Variants in LONP2 observed in about 807,000 individuals in gnomAD.
LONP2 encodes the protein lon protease homolog 2, peroxisomal.
Under a neutral mutation model 85.6 loss-of-function variants are expected in LONP2, and 60 were observed. That is an observed-to-expected ratio of 0.70 (90% confidence interval 0.57 to 0.87). LONP2 has a LOEUF of 0.87. Among genes scored for constraint, LONP2 ranks in the 40% least tolerant of loss-of-function variants. The pLI, the probability that LONP2 is intolerant of heterozygous loss-of-function variation, is 0.00. For missense variants in LONP2, 860 were observed against 1,063.5 expected, an observed-to-expected ratio of 0.81 and a Z score of 2.66; for synonymous variants, 395 against 389.7, an observed-to-expected ratio of 1.01 and a Z score of -0.16.
downstream of LONP2, among the ~76,000 whole-genome samples, chr16:48,357,593 G>A (rs1960421905): frequency 6.6e-6 from 1 of 152,194 alleles, no homozygotes; most frequent in Non-Finnish European, 1.5e-5. Flanking sequence ...AGCAGTCACA[G>A]ACTGACCCCC....
Position 48,244,592 on chromosome 16 carries a change from C to A in LONP2, c.204C>A (p.Ser68Arg). 1 of 1,490,450 alleles carries A rather than the reference C, an allele frequency of 6.7e-7. No individual in the cohort carries two copies. The highest frequency in any genetic ancestry group is 1.3e-5 in the South Asian group (1 of 78,780). The allele number at this position is 1,490,450 out of a possible 1,614,324, so 92.3% of individuals were successfully genotyped here. The change falls in exon 1 of 15, where the codon AGC becomes AGA. Residue 68 changes from serine to arginine, a missense_variant. Coordinates refer to ENST00000285737, the MANE Select transcript of LONP2 (RefSeq NM_031490.5). ...GVIPNTPDPA[S>R]DAQDLPPLHR... Reference sequence around the variant, plus strand: ...TCCCCAACACGCCTGACCCCGCCAGCGACGCGCAGGACCTGCCGCCGCTGC... The same window carrying A: ...TCCCCAACACGCCTGACCCCGCCAGAGACGCGCAGGACCTGCCGCCGCTGC...
In LONP2 at chr16:48,252,156, C is replaced by A; in HGVS notation, c.259C>A (p.Gln87Lys). 1 of 1,600,098 alleles carries A rather than the reference C, an allele frequency of 6.2e-7. No homozygotes were observed. Among genetic ancestry groups the A allele is most frequent in the Non-Finnish European group, 8.5e-7 (1 of 1,170,880 alleles). The change falls in exon 2 of 15, where the codon CAG (glutamine) becomes AAG (lysine). Residue 87 changes from glutamine to lysine, a missense_variant. Gln to Lys is a moderately conservative substitution (Grantham distance 53). Transcript: ENST00000285737. ...GATTGGCACAGCTGCACTGGCCGTT[C>A]AGGTTGTGGGCAGTAACTGGCCCAA... is the stretch of plus-strand genomic sequence containing the variant. ...HRIGTAALAV[Q>K]VVGSNWPKPH... is the part of the protein sequence containing the mutation.
intron 11 of LONP2, among the ~76,000 whole-genome samples, chr16:48,308,823 AG>A (rs1273253751): frequency 6.6e-6 from 1 of 152,178 alleles, no homozygotes; most frequent in Non-Finnish European, 1.5e-5. Context: ...TAAACTAAAA[AG>A]CTTTTTATAC....
At chr16:48,350,061 G>A (rs1307337980) in intron 14 of LONP2, among the ~76,000 whole-genome samples, 2 of 152,228 alleles carry the variant, frequency 1.3e-5, no homozygotes, top group East Asian at 3.9e-4. Context: ...AGACCAGCCT[G>A]GGAAATATAT....
At chr16:48,251,018 C>T (rs1971632558) in intron 1 of LONP2, among the ~76,000 whole-genome samples, 1 of 152,120 alleles carries the variant, frequency 6.6e-6, no homozygotes, top group Middle Eastern at 3.2e-3. Context: ...AAAGGATAGA[C>T]GTAGTTCAGA....
intron 8 of LONP2, among the ~76,000 whole-genome samples, chr16:48,288,745 C>T (rs1271323473): frequency 2.0e-5 from 3 of 152,006 alleles, no homozygotes; most frequent in Non-Finnish European, 2.9e-5. Flanking sequence ...TTCATTTAAC[C>T]TTAATTACCT....
At chr16:48,291,702 G>T (rs544321767) in intron 8 of LONP2, among the ~76,000 whole-genome samples, 1 of 152,080 alleles carries the variant, frequency 6.6e-6, no homozygotes, top group Non-Finnish European at 1.5e-5. Context: ...CTGAAGTTAG[G>T]GTAAGAAGAT....
At chr16:48,274,281 A>C (rs563332394) in intron 7 of LONP2, among the ~76,000 whole-genome samples, 2 of 152,234 alleles carry the variant, frequency 1.3e-5, no homozygotes, top group South Asian at 2.1e-4. Context: ...AACTGTGGAG[A>C]TGAAACATAA....
At chr16:48,249,791 G>A (rs1008296412) in intron 1 of LONP2, among the ~76,000 whole-genome samples, 1 of 152,144 alleles carries the variant, frequency 6.6e-6, no homozygotes, top group Non-Finnish European at 1.5e-5. Flanking sequence ...AGCAATTAAG[G>A]CATGTATACA....
intron 12 of LONP2, 142 bp from the exon 13 acceptor site, chr16:48,347,365 C>T (rs763461390): frequency 1.6e-4 from 115 of 730,204 alleles, no homozygotes; most frequent in Admixed American, 6.2e-4. Flanking sequence ...CTGAATGTGA[C>T]GCAGAATCAT....
rs1196391493 is a variant in LONP2, at chr16:48,355,339, TCCTTTTTGC to T, written c.*3542_*3550del. The T allele has an allele frequency of 6.6e-6, 1 of 152,084 alleles. No homozygotes were observed. The highest frequency in any genetic ancestry group is 1.5e-5 in the Non-Finnish European group (1 of 68,016). 9.4% of individuals were successfully genotyped at this position (152,084 alleles called of 1,614,324 possible). ...AAGGGGCTCAAGGGAACCAATTACC[TCCTTTTTGC>T]CCTTCGATTCCCTTCCACCATATGA... On this transcript the variant is annotated 3_prime_UTR_variant, in exon 15 of 15. Transcript: ENST00000285737.
intron 7 of LONP2, among the ~76,000 whole-genome samples, chr16:48,275,643 A>G (rs1421029309): frequency 1.3e-5 from 2 of 152,178 alleles, no homozygotes; most frequent in African/African-American, 4.8e-5. Context: ...GGAAGGCACC[A>G]TATTTTTAAG....
Position 48,255,695 on chromosome 16 carries a change from C to T in LONP2, c.469-915C>T, listed in dbSNP as rs554930648. On this transcript the variant is annotated intron_variant, in intron 2 of 14. Transcript: ENST00000285737. The stretch of plus-strand genomic sequence containing the variant: ...GGTGTAGATAATTGAATTATGGGGG[C>T]GGTTCCCCCATACTGTTCTCTTGGT... Among the ~76,000 whole-genome samples, 233 of 151,416 alleles carry T rather than the reference C, an allele frequency of 1.5e-3. 1 individual carries two copies. The highest frequency in any genetic ancestry group is 0.01 in the Middle Eastern group (3 of 292).
At chr16:48,333,320 T>C (rs1250229620) in intron 11 of LONP2, among the ~76,000 whole-genome samples, 1 of 152,230 alleles carries the variant, frequency 6.6e-6, no homozygotes, top group Admixed American at 6.5e-5. Context: ...CCAGGGCTTA[T>C]AGGCAGGTAA....
intron 12 of LONP2, chr16:48,344,523 A>G (rs940323090): frequency 3.9e-5 from 6 of 152,186 alleles, no homozygotes; most frequent in Non-Finnish European, 8.8e-5. Context: ...AACTGTTCCA[A>G]TTAACAATTT....
chr16:48,251,829 G>A (rs1971657060), intron 1 of LONP2, among the ~76,000 whole-genome samples: 1 of 152,146 alleles, frequency 6.6e-6, no homozygotes, highest in South Asian at 2.1e-4. Flanking sequence ...TTTAAGATAT[G>A]TAATTCTCAG....
chr16:48,318,822 G>A (rs181787931), intron 11 of LONP2, among the ~76,000 whole-genome samples: 1 of 152,160 alleles, frequency 6.6e-6, no homozygotes, highest in Non-Finnish European at 1.5e-5. Context: ...TCAGCCTTCT[G>A]TTGGGCTGCT....
chr16:48,318,978 CTTTTT>C (rs775333727), intron 11 of LONP2, among the ~76,000 whole-genome samples: 1 of 145,198 alleles, frequency 6.9e-6, no homozygotes, highest in Non-Finnish European at 1.5e-5. Context: ...ATCCTTTCAG[CTTTTT>C]TTTTTTTTGA....
chr16:48,361,647 G>T (rs765186722), downstream of LONP2: 1 of 1,612,772 alleles, frequency 6.2e-7, no homozygotes, highest in African/African-American at 1.3e-5. Flanking sequence ...TGCAATGCTG[G>T]TGTCAAAGAC....
Sources: gnomAD v4.1 joint callset for allele counts (sites outside exome capture counted in the v4.1 genomes callset) on GRCh38, gnomAD v4.1.1 for gene constraint, MANE v1.5 for transcripts, NCBI Gene and HGNC (gene_info 2026-07-23, HGNC 2026-07-21) for gene names.